CFAP61: variants seen among roughly 807,000 people sequenced by gnomAD.
CFAP61 encodes cilia- and flagella-associated protein 61.
CFAP61 carries 107 observed loss-of-function variants against 135.6 expected under a neutral mutation model. That is an observed-to-expected ratio of 0.79 (90% confidence interval 0.67 to 0.93). The LOEUF (loss-of-function observed/expected upper bound fraction) is 0.93, where lower values mean the gene tolerates loss of function less well. Ranked by LOEUF, CFAP61 falls within the 40% of genes least tolerant of loss-of-function variation. CFAP61 has a pLI of 0.00. For synonymous variants in CFAP61, 575 were observed against 578.5 expected (o/e 0.99, Z 0.09); for missense variants, 1,507 against 1,556.2 (o/e 0.97, Z 0.53).
At chr20:20,252,581 A>C (rs916233553) in intron 20 of CFAP61, among the ~76,000 whole-genome samples, 2 of 151,762 alleles carry the variant, frequency 1.3e-5, no homozygotes, top group African/African-American at 4.8e-5. Flanking sequence ...CTTATCAGCT[A>C]TCTTTAGTGT....
At chr20:20,285,516 T>G (rs1182942141) in intron 22 of CFAP61, among the ~76,000 whole-genome samples, 1 of 152,166 alleles carries the variant, frequency 6.6e-6, no homozygotes, top group Non-Finnish European at 1.5e-5. Flanking sequence ...ATTCTTCAAA[T>G]TGGACAGTTT....
chr20:20,060,355 ATACCTC>A (rs2044705902), intron 2 of CFAP61, among the ~76,000 whole-genome samples: 4 of 152,250 alleles, frequency 2.6e-5, no homozygotes, highest in Admixed American at 2.0e-4. Context: ...GGAACAGAGA[ATACCTC>A]AGCTGGAAAG....
intron 26 of CFAP61, among the ~76,000 whole-genome samples, chr20:20,357,990 AGT>A (rs757705247): frequency 5.6e-5 from 7 of 125,924 alleles, no homozygotes; most frequent in Admixed American, 1.6e-4. Flanking sequence ...AGGTGGTCAT[AGT>A]GTGAGGGGAG....
intron 24 of CFAP61, among the ~76,000 whole-genome samples, chr20:20,294,937 AAATAATAATAATAATAAT>A (rs11474551): frequency 2.1e-5 from 3 of 142,906 alleles, no homozygotes; most frequent in Admixed American, 6.9e-5. Flanking sequence ...TCCGTCTCAA[AAATAATAATAATAATAAT>A]AATAATAATA....
intron 12 of CFAP61, 33 bp from the exon 13 acceptor site, chr20:20,169,288 C>G (rs747800656): frequency 8.9e-6 from 14 of 1,567,790 alleles, no homozygotes; most frequent in Non-Finnish European, 1.2e-5. Flanking sequence ...TTTTTTTATT[C>G]TTTCTCTGTG....
chr20:20,232,236 C>A (rs1176914841), intron 18 of CFAP61, among the ~76,000 whole-genome samples: 10 of 152,198 alleles, frequency 6.6e-5, no homozygotes, highest in Non-Finnish European at 1.5e-4. Flanking sequence ...AGGGTGAGAT[C>A]TGTAAAGTGA....
At chr20:20,228,600 C>T in intron 18 of CFAP61, 1 of 407,684 alleles carries the variant, frequency 2.5e-6, no homozygotes, top group Non-Finnish European at 4.5e-6. Context: ...GTAAATAAAG[C>T]TTTATTGGAA....
At position 20,254,177 on chromosome 20, in the gene CFAP61, TCCC is replaced by T. The variant is rs1232592841; in HGVS notation, c.2328+2416_2328+2418del. On this transcript the variant is annotated intron_variant, in intron 20 of 26. Transcript: ENST00000245957. ...TCTTCTCCCCTCCCCTCCCCTCCCC[TCCC>T]CTCCTCTCCTCTCCTCTCCTCTCCT... Among the ~76,000 whole-genome samples the T allele has an allele frequency of 5.9e-3, 353 of 59,360 alleles. 70 individuals carry two copies. Among genetic ancestry groups the T allele is most frequent in the African/African-American group, 0.021 (339 of 16,064 alleles). 38.9% of individuals were successfully genotyped at this position (59,360 alleles called of 152,430 possible). A position where few individuals can be genotyped will look rare whatever the true frequency, so the allele number is the denominator to read the frequency against.
chr20:20,196,138 G>A (rs1416587048), intron 15 of CFAP61, among the ~76,000 whole-genome samples: 1 of 152,172 alleles, frequency 6.6e-6, no homozygotes, highest in Non-Finnish European at 1.5e-5. Context: ...CACACTAACA[G>A]GTGAATAGTA....
intron 11 of CFAP61, among the ~76,000 whole-genome samples, chr20:20,164,990 A>C (rs2053709432): frequency 6.6e-6 from 1 of 152,142 alleles, no homozygotes; most frequent in African/African-American, 2.4e-5. Flanking sequence ...AGTATGGGGG[A>C]ACCACCCCCA....
chr20:20,063,083 A>G (rs1164663931), intron 2 of CFAP61, among the ~76,000 whole-genome samples: 1 of 152,218 alleles, frequency 6.6e-6, no homozygotes, highest in Admixed American at 6.5e-5. Context: ...ATTAAATTGA[A>G]TCGTTAGTTT....
At chr20:20,331,298 T>C (rs2057982179) in intron 25 of CFAP61, among the ~76,000 whole-genome samples, 1 of 152,176 alleles carries the variant, frequency 6.6e-6, no homozygotes, top group South Asian at 2.1e-4. Context: ...TTTGGTGAGA[T>C]ATGAACTAGG....
intron 26 of CFAP61, among the ~76,000 whole-genome samples, chr20:20,346,820 T>C (rs894172939): frequency 3.9e-5 from 6 of 152,256 alleles, no homozygotes; most frequent in African/African-American, 1.4e-4. Flanking sequence ...TGCAGACTTC[T>C]GTATTTTACT....
intron 20 of CFAP61, among the ~76,000 whole-genome samples, chr20:20,260,754 T>C (rs187985166): frequency 4.3e-4 from 65 of 152,314 alleles, no homozygotes; most frequent in Non-Finnish European, 7.6e-4. Context: ...GAAGTAGCTC[T>C]CAATTTGTTC....
At chr20:20,347,784 T>G (rs2058683220) in intron 26 of CFAP61, among the ~76,000 whole-genome samples, 1 of 151,672 alleles carries the variant, frequency 6.6e-6, no homozygotes, top group Non-Finnish European at 1.5e-5. Context: ...AATACAAAAA[T>G]TAGCCCGTCA....
At position 20,052,544 on chromosome 20, in the gene CFAP61, C is replaced by T; in HGVS notation, c.-84C>T. The stretch of plus-strand genomic sequence containing the variant: ...TTCCATGGTGACCAGGCTGCGCGTC[C>T]TCCTTGCGGCAGCGCGTGGAGTGCG... On this transcript the variant is annotated 5_prime_UTR_variant, in exon 1 of 27. Coordinates refer to ENST00000245957, the MANE Select transcript of CFAP61 (RefSeq NM_015585.4). 4 of 1,614,186 alleles carry T rather than the reference C, an allele frequency of 2.5e-6. No homozygotes were observed. The highest frequency in any genetic ancestry group is 3.4e-6 in the Non-Finnish European group (4 of 1,180,010).
At chr20:20,213,923 C>T (rs1460429882) in intron 17 of CFAP61, among the ~76,000 whole-genome samples, 1 of 151,866 alleles carries the variant, frequency 6.6e-6, no homozygotes, top group African/African-American at 2.4e-5. Flanking sequence ...CTCTCTCCAC[C>T]CCCTCCCCGC....
At chr20:20,227,929 C>T (rs2048859708) in intron 17 of CFAP61, among the ~76,000 whole-genome samples, 1 of 152,186 alleles carries the variant, frequency 6.6e-6, no homozygotes, top group Non-Finnish European at 1.5e-5. Context: ...TGCCTGTCTC[C>T]TTGTAGTGTT....
At chr20:20,207,398 T>A (rs188151989) in intron 17 of CFAP61, among the ~76,000 whole-genome samples, 1 of 152,194 alleles carries the variant, frequency 6.6e-6, no homozygotes. Context: ...AAAAATGCAT[T>A]CTCCTCCCTG....
Sources: allele counts gnomAD v4.1 joint callset (sites outside exome capture counted in the v4.1 genomes callset), GRCh38; gene constraint gnomAD v4.1.1; transcripts MANE v1.5; gene names NCBI Gene and HGNC (gene_info 2026-07-23, HGNC 2026-07-21).